The following TBC1D19 variants were observed in gnomAD, a reference collection of about 807,000 sequenced individuals.
TBC1D19 encodes the protein TBC1 domain family, member 19.
Under a neutral mutation model 89.0 loss-of-function variants are expected in TBC1D19, and 60 were observed. That is an observed-to-expected ratio of 0.67 (90% CI 0.55 to 0.84). The LOEUF is 0.84. TBC1D19 is among the 40% of genes least tolerant of loss of function. The pLI, the probability that TBC1D19 is intolerant of heterozygous loss-of-function variation, is 0.00. For synonymous variants in TBC1D19, 189 were observed against 199.7 expected (o/e 0.95, Z 0.45); for missense variants, 500 against 610.8 (o/e 0.82, Z 1.91).
chr4:26,593,326 A>G (rs1293433495), intron 1 of TBC1D19, among the ~76,000 whole-genome samples: 2 of 152,258 alleles, frequency 1.3e-5, no homozygotes, highest in Non-Finnish European at 2.9e-5. Context: ...TACACCTTAT[A>G]CTAAAATTAA....
chr4:26,849,646 G>C, the TBC1D19 span, among the ~76,000 whole-genome samples: 1 of 152,154 alleles, frequency 6.6e-6, no homozygotes, highest in Non-Finnish European at 1.5e-5. Flanking sequence ...GCAAGTGACT[G>C]GCATTAGTAG....
At chr4:26,629,278 T>G (rs539739284) in intron 4 of TBC1D19, among the ~76,000 whole-genome samples, 1 of 152,210 alleles carries the variant, frequency 6.6e-6, no homozygotes, top group South Asian at 2.1e-4. Context: ...ATAGATTGTT[T>G]AGGATGGCTC....
the TBC1D19 span, among the ~76,000 whole-genome samples, chr4:26,798,218 T>C: frequency 1.3e-5 from 2 of 152,034 alleles, no homozygotes; most frequent in Non-Finnish European, 2.9e-5. Flanking sequence ...AACAACCCCA[T>C]TAAAAATGGC....
chr4:26,754,767 CA>C, intron 20 of TBC1D19, 105 bp from the exon 21 acceptor site: 1 of 839,402 alleles, frequency 1.2e-6, no homozygotes. Context: ...AGATTTAGGA[CA>C]AATCCAAAGA....
chr4:26,607,369 C>T (rs1741078797), intron 1 of TBC1D19, among the ~76,000 whole-genome samples: 1 of 152,150 alleles, frequency 6.6e-6, no homozygotes, highest in Non-Finnish European at 1.5e-5. Context: ...TTTTATTGCA[C>T]AGCAACTTTA....
chr4:26,798,455 A>G, the TBC1D19 span, among the ~76,000 whole-genome samples: 2 of 152,170 alleles, frequency 1.3e-5, no homozygotes, highest in Non-Finnish European at 2.9e-5. Flanking sequence ...GATGATGGGA[A>G]TGTAAATTAG....
At chr4:26,675,325 A>C (rs1196745108) in intron 11 of TBC1D19, among the ~76,000 whole-genome samples, 1 of 152,062 alleles carries the variant, frequency 6.6e-6, no homozygotes, top group Non-Finnish European at 1.5e-5. Flanking sequence ...ATAAAATAAT[A>C]ATCCCAGGTA....
At chr4:26,778,114 A>T in the TBC1D19 span, among the ~76,000 whole-genome samples, 9 of 146,144 alleles carry the variant, frequency 6.2e-5, no homozygotes, top group African/African-American at 2.3e-4. Flanking sequence ...GGAGGGAGAG[A>T]GAGAGAAGGA....
At chr4:26,594,382 C>G (rs889522231) in intron 1 of TBC1D19, among the ~76,000 whole-genome samples, 2 of 151,938 alleles carry the variant, frequency 1.3e-5, no homozygotes, top group Admixed American at 6.6e-5. Flanking sequence ...GGAGATATAC[C>G]TAATGTTAAA....
intron 17 of TBC1D19, chr4:26,740,584 A>G (rs994130481): frequency 3.3e-6 from 3 of 904,502 alleles, no homozygotes; most frequent in Non-Finnish European, 4.0e-6. Context: ...TAGGAGTTGA[A>G]CATTTTAATC....
the TBC1D19 span, among the ~76,000 whole-genome samples, chr4:26,838,537 A>G: frequency 1.3e-5 from 2 of 152,256 alleles, no homozygotes; most frequent in Admixed American, 6.5e-5. Context: ...ATCCACTAGA[A>G]GTCATAAAAT....
chr4:26,593,551 CA>C (rs1739978119), intron 1 of TBC1D19, among the ~76,000 whole-genome samples: 1 of 152,190 alleles, frequency 6.6e-6, no homozygotes, highest in Non-Finnish European at 1.5e-5. Context: ...AGTGAACAGG[CA>C]ACCTACAGAA....
intron 18 of TBC1D19, among the ~76,000 whole-genome samples, chr4:26,746,196 A>G (rs75277886): frequency 0.058 from 8,744 of 151,646 alleles, 290 homozygotes; most frequent in Middle Eastern, 0.11. Context: ...GAAGAAAAAT[A>G]AGGTTTGTTA....
At chr4:26,601,975 G>C (rs1740636885) in intron 1 of TBC1D19, among the ~76,000 whole-genome samples, 1 of 152,008 alleles carries the variant, frequency 6.6e-6, no homozygotes, top group South Asian at 2.1e-4. Context: ...TCTTATAATG[G>C]CTTTTTGGTG....
intron 12 of TBC1D19, among the ~76,000 whole-genome samples, chr4:26,686,381 C>A (rs1239203332): frequency 6.6e-6 from 1 of 151,716 alleles, no homozygotes; most frequent in African/African-American, 2.4e-5. Context: ...ATCATTGAAC[C>A]CTCCCTAAGC....
At chr4:26,666,487 A>G (rs1711820835) in intron 9 of TBC1D19, 82 bp downstream of exon 9, 9 of 1,213,358 alleles carry the variant, frequency 7.4e-6, no homozygotes, top group Admixed American at 2.1e-5. Context: ...AAGTTAATCT[A>G]GCAATTTTTT....
intron 7 of TBC1D19, among the ~76,000 whole-genome samples, chr4:26,652,368 A>G (rs960791018): frequency 2.0e-5 from 3 of 152,064 alleles, no homozygotes; most frequent in Non-Finnish European, 4.4e-5. Flanking sequence ...TTGGTAAGCT[A>G]TTAATTATTG....
At chr4:26,602,305 T>A (rs1313636504) in intron 1 of TBC1D19, among the ~76,000 whole-genome samples, 1 of 152,180 alleles carries the variant, frequency 6.6e-6, no homozygotes, top group Non-Finnish European at 1.5e-5. Flanking sequence ...ATAATAATAC[T>A]AAGACTTCTT....
At chr4:26,815,963 G>A in the TBC1D19 span, among the ~76,000 whole-genome samples, 1 of 152,200 alleles carries the variant, frequency 6.6e-6, no homozygotes, top group South Asian at 2.1e-4. Flanking sequence ...CTCCCTGTGT[G>A]TGAGTTCCAC....
Sources: allele counts gnomAD v4.1 joint callset (sites outside exome capture counted in the v4.1 genomes callset), GRCh38; gene constraint gnomAD v4.1.1; transcripts MANE v1.5; gene names NCBI Gene and HGNC (gene_info 2026-07-23, HGNC 2026-07-21).